DNAH5: variants seen among roughly 807,000 people sequenced by gnomAD.
DNAH5 encodes the protein axonemal beta dynein heavy chain 5.
Under a neutral mutation model 518.2 loss-of-function variants are expected in DNAH5, and 372 were observed. The observed-to-expected ratio is 0.72, with a 90% CI of 0.66 to 0.78. The LOEUF (loss-of-function observed/expected upper bound fraction) is 0.78. Among genes scored for constraint, DNAH5 ranks in the 30% least tolerant of loss-of-function variants. DNAH5 has a pLI of 0.00. For missense variants in DNAH5, 5,523 were observed against 5,687.0 expected (o/e 0.97, Z 0.93); for synonymous variants, 2,039 against 2,025.9 (o/e 1.01, Z -0.17).
chr5:13,816,750 C>T (rs72732639), intron 42 of DNAH5, among the ~76,000 whole-genome samples: 59,728 of 151,924 alleles, frequency 0.39, 11,861 homozygotes, highest in East Asian at 0.61. Context: ...TTTATATTAG[C>T]GTTATTAAAT....
intron 30 of DNAH5, among the ~76,000 whole-genome samples, chr5:13,854,825 TA>T: frequency 6.6e-6 from 1 of 152,340 alleles, no homozygotes; most frequent in Admixed American, 6.5e-5. Flanking sequence ...CTAACTATCC[TA>T]AATGTATATG....
Position 13,829,498 on chromosome 5 carries a change from A to C in DNAH5, c.6444+12T>G. 6.2e-7 allele frequency: 1 copy of C among 1,613,922 alleles called. No homozygotes were observed. Among genetic ancestry groups the C allele is most frequent in the Non-Finnish European group, 8.5e-7 (1 of 1,179,842 alleles). On this transcript the variant is annotated intron_variant, in intron 38 of 78. Coordinates refer to ENST00000265104, the MANE Select transcript of DNAH5 (RefSeq NM_001369.3). ...ACATGCCTAAGTGCATAAGACCTCCAGGATGACACACCTGCTTAGAAAGCT... is the reference window on the plus strand; with the variant it reads ...ACATGCCTAAGTGCATAAGACCTCCCGGATGACACACCTGCTTAGAAAGCT...
chr5:13,747,258 T>C (rs1188540943), intron 65 of DNAH5, among the ~76,000 whole-genome samples: 3 of 152,214 alleles, frequency 2.0e-5, no homozygotes, highest in Non-Finnish European at 2.9e-5. Flanking sequence ...ATGGTGTATA[T>C]GTGCCATGTT....
intron 1 of DNAH5, among the ~76,000 whole-genome samples, chr5:13,940,766 A>T (rs1274677268): frequency 1.3e-5 from 2 of 152,218 alleles, no homozygotes; most frequent in African/African-American, 2.4e-5. Context: ...GCCCAAGGAC[A>T]TAAATTTTGG....
chr5:13,711,764 C>T (rs1743505643), intron 75 of DNAH5, among the ~76,000 whole-genome samples: 1 of 152,128 alleles, frequency 6.6e-6, no homozygotes, highest in African/African-American at 2.4e-5. Flanking sequence ...GAACGCAACC[C>T]CTTTTACAAT....
At chr5:13,896,142 A>T (rs778283435) in intron 15 of DNAH5, among the ~76,000 whole-genome samples, 21 of 152,038 alleles carry the variant, frequency 1.4e-4, no homozygotes, top group Non-Finnish European at 2.1e-4. Flanking sequence ...ACAGTTTAGC[A>T]GCAAAAATGA....
At chr5:13,855,564 A>C (rs1361693591) in intron 30 of DNAH5, among the ~76,000 whole-genome samples, 3 of 152,030 alleles carry the variant, frequency 2.0e-5, no homozygotes, top group Non-Finnish European at 4.4e-5. Flanking sequence ...TTAACACCCC[A>C]CTCTCAATAT....
In DNAH5 at chr5:13,809,128, G is replaced by A; in HGVS notation, c.7668C>T (p.Thr2556=). 6.2e-7 allele frequency: 1 copy of A among 1,614,052 alleles called. No individual in the cohort carries two copies. The highest frequency in any genetic ancestry group is 8.5e-7 in the Non-Finnish European group (1 of 1,179,958). ...GCACCAGAATAGAACCATACTCTGG[G>A]GTGGTATCAGACGGATACAGGTATT... ...TQEYLYPSDT[T]PEYGSILVPN... is the part of the protein sequence containing the mutation. Residue 2556 remains threonine, a synonymous_variant, in exon 46 of 79, where the codon ACC becomes ACT. Transcript: ENST00000265104.
At chr5:13,875,791 A>G (rs897272955) in intron 22 of DNAH5, among the ~76,000 whole-genome samples, 17 of 152,182 alleles carry the variant, frequency 1.1e-4, no homozygotes, top group South Asian at 2.1e-4. Context: ...CAATATATTA[A>G]GAAAGGAAAA....
rs187984677 is a variant in DNAH5, at chr5:13,989,400, G to C, written c.12+22248C>G. On this transcript the variant is annotated intron_variant, in intron 1 of 78. Transcript: ENST00000681290. ...GTTGTAAAATGAAAAAAAAAATCCG[G>C]TCCCAAAAAAGTATGATCCAATTTT... 1.4e-3 allele frequency among the ~76,000 whole-genome samples: 205 copies of C among 151,064 alleles called. 3 individuals carry two copies. In the South Asian group the frequency reaches 0.019, roughly 14 times the overall value.
chr5:14,007,895 A>G (rs1225892291), intron 1 of DNAH5, among the ~76,000 whole-genome samples: 1 of 152,216 alleles, frequency 6.6e-6, no homozygotes, highest in Non-Finnish European at 1.5e-5. Context: ...TATGTAGGCC[A>G]GGTGCAGGGG....
At chr5:13,845,789 TC>T (rs1765906870) in intron 31 of DNAH5, among the ~76,000 whole-genome samples, 5 of 151,566 alleles carry the variant, frequency 3.3e-5, no homozygotes, top group Non-Finnish European at 7.4e-5. Context: ...TTTTTGCTCT[TC>T]CCTTATCATT....
intron 78 of DNAH5, among the ~76,000 whole-genome samples, chr5:13,693,921 A>G (rs897627235): frequency 6.6e-6 from 1 of 152,238 alleles, no homozygotes; most frequent in Non-Finnish European, 1.5e-5. Flanking sequence ...CATTAGGCAA[A>G]TATATATGAA....
chr5:13,868,021 T>C, intron 24 of DNAH5, 29 bp from the exon 25 acceptor site: 2 of 1,565,828 alleles, frequency 1.3e-6, no homozygotes, highest in Non-Finnish European at 1.8e-6. Context: ...AACTTAATTT[T>C]GGCCAGTCAG....
intron 1 of DNAH5, among the ~76,000 whole-genome samples, chr5:13,983,229 G>A (rs1782811914): frequency 6.6e-6 from 1 of 152,160 alleles, no homozygotes; most frequent in South Asian, 2.1e-4. Flanking sequence ...CCTTCCAAAT[G>A]GAGTTCATTC....
intron 52 of DNAH5, among the ~76,000 whole-genome samples, chr5:13,784,086 G>A (rs560456531): frequency 3.2e-4 from 48 of 152,248 alleles, no homozygotes; most frequent in Non-Finnish European, 5.1e-4. Flanking sequence ...TCTGGGCTGC[G>A]AATCATGGAG....
chr5:13,752,035 A>T, intron 64 of DNAH5, 99 bp downstream of exon 64: 1 of 1,313,620 alleles, frequency 7.6e-7, no homozygotes, highest in Non-Finnish European at 1.1e-6. Context: ...CAAGGACTCA[A>T]ATTTAAGTTG....
intron 15 of DNAH5, chr5:13,898,049 T>C (rs946872527): frequency 1.3e-5 from 2 of 152,198 alleles, no homozygotes; most frequent in African/African-American, 2.4e-5. Context: ...CCCACTGGAG[T>C]GTACCTTCCA....
rs562778587 is a variant in DNAH5 at position 13,768,965 on chromosome 5, A to G, written c.9892T>C (p.Leu3298=). The G allele has an allele frequency of 6.2e-6, 10 of 1,614,160 alleles. No individual in the cohort carries two copies. In the South Asian group the frequency reaches 9.9e-5, roughly 16 times the overall value. Residue 3298 remains leucine (L), a synonymous_variant, in exon 58 of 79, where the codon TTG becomes CTG. Coordinates refer to ENST00000265104, the MANE Select transcript of DNAH5 (RefSeq NM_001369.3). ...GTTATATCACATAGATGCACCTGCA[A>G]TGCAGCTTCTGCCTCTTCTAAAGCT... ...KPALEEAEAA[L]QTIRPSDIAT...
Sources: allele counts gnomAD v4.1 joint callset (sites outside exome capture counted in the v4.1 genomes callset), GRCh38; gene constraint gnomAD v4.1.1; transcripts MANE v1.5; gene names NCBI Gene and HGNC (gene_info 2026-07-23, HGNC 2026-07-21).